Variants in CD5L observed in about 807,000 individuals in gnomAD.
CD5L encodes the protein CD5 antigen-like.
In CD5L, 39 loss-of-function variants were observed where a neutral mutation model predicts 40.8. That is an observed-to-expected ratio of 0.96 (90% CI 0.74 to 1.25). The LOEUF (loss-of-function observed/expected upper bound fraction) is 1.25. CD5L is among the 50% of genes most tolerant of loss of function. The pLI, the probability that CD5L is intolerant of heterozygous loss-of-function variation, is 0.00. For synonymous variants in CD5L, 192 were observed against 169.6 expected (o/e 1.13, Z -1.03); for missense variants, 433 against 435.9 (o/e 0.99, Z 0.06).
intron 5 of CD5L, 44 bp from the exon 6 acceptor site, chr1:157,832,012 A>C (rs771888225): frequency 7.0e-7 from 1 of 1,435,634 alleles, no homozygotes; most frequent in Non-Finnish European, 9.5e-7. Context: ...GGTATAGTCC[A>C]GGAAGGAATT....
intron 1 of CD5L, among the ~76,000 whole-genome samples, chr1:157,841,316 G>A (rs917501301): frequency 1.7e-4 from 26 of 152,228 alleles, no homozygotes; most frequent in Non-Finnish European, 3.8e-4. Flanking sequence ...AAAGGTGATT[G>A]TCTTGCAGTT....
At chr1:157,832,456 C>G (rs1219677335) in intron 5 of CD5L, among the ~76,000 whole-genome samples, 3 of 152,146 alleles carry the variant, frequency 2.0e-5, no homozygotes, top group Non-Finnish European at 4.4e-5. Context: ...ACCAAGTAGC[C>G]CCACATTGAT....
At chr1:157,836,494 TAA>T (rs2101939171) in intron 2 of CD5L, among the ~76,000 whole-genome samples, 1 of 152,288 alleles carries the variant, frequency 6.6e-6, no homozygotes, top group South Asian at 2.1e-4. Context: ...CAGAAGGCCC[TAA>T]AGAGATCATA....
At chr1:157,835,542 T>G (rs1656186721) in intron 3 of CD5L, among the ~76,000 whole-genome samples, 1 of 152,222 alleles carries the variant, frequency 6.6e-6, no homozygotes, top group Non-Finnish European at 1.5e-5. Flanking sequence ...CAGTATACTC[T>G]ATTCAACAAA....
chr1:157,841,034 A>T (rs1056184869), intron 1 of CD5L, among the ~76,000 whole-genome samples: 22 of 147,774 alleles, frequency 1.5e-4, no homozygotes, highest in Admixed American at 1.1e-3. Flanking sequence ...GTTATCTTAT[A>T]AAAAAAAATA....
chr1:157,828,482 A>C (rs982790992), downstream of CD5L, among the ~76,000 whole-genome samples: 2 of 152,146 alleles, frequency 1.3e-5, no homozygotes, highest in East Asian at 3.8e-4. Context: ...CACTCAGCCC[A>C]TACACAAGGT....
At position 157,833,269 on chromosome 1, in the gene CD5L, G is replaced by C; in HGVS notation, c.962C>G (p.Ser321Cys). 6.2e-7 allele frequency: 1 copy of C among 1,614,188 alleles called. No homozygotes were observed. The change falls in exon 5 of 6, where the codon TCC (serine) becomes TGC (cysteine). Residue 321 changes from serine to cysteine, a missense_variant. Coordinates refer to ENST00000368174, the MANE Select transcript of CD5L (RefSeq NM_005894.3). Reference protein sequence around the residue: ...DNVRCSGEEQSLEQCQHRFWG... With the variant: ...DNVRCSGEEQCLEQCQHRFWG... ...AAATCTGTGCTGGCACTGCTCCAGG[G>C]ACTGCTCCTCCCCTGAGCAACGAAC... is the stretch of plus-strand genomic sequence containing the variant.
Position 157,833,297 on chromosome 1 carries a change from T to C in CD5L, c.934A>G (p.Asn312Asp). The change falls in exon 5 of 6, where the codon AAT becomes GAT. Residue 312 changes from asparagine to aspartate, a missense_variant. Physicochemically the swap from Asn to Asp is conservative, Grantham distance 23. Coordinates refer to ENST00000368174, the MANE Select transcript of CD5L (RefSeq NM_005894.3). Reference sequence around the variant, plus strand: ...TGCTCCTCCCCTGAGCAACGAACATTATCCAGCCAGATGCGGCCAACCCCA... The same window carrying C: ...TGCTCCTCCCCTGAGCAACGAACATCATCCAGCCAGATGCGGCCAACCCCA... ...GPGVGRIWLD[N>D]VRCSGEEQSL... 6.2e-7 allele frequency: 1 copy of C among 1,614,094 alleles called. No homozygotes were observed. Among genetic ancestry groups the C allele is most frequent in the South Asian group, 1.1e-5 (1 of 91,076 alleles).
At chr1:157,828,370 C>T (rs892722893), downstream of CD5L, among the ~76,000 whole-genome samples, 3 of 152,184 alleles carry the variant, frequency 2.0e-5, no homozygotes, top group African/African-American at 7.2e-5. Context: ...CTTACTTCTA[C>T]TTCACTGTCT....
chr1:157,836,048 T>C lies in CD5L; in HGVS notation c.163A>G (p.Ile55Val). ...CGGCACAACACAGCCACGTCCTTAA[T>C]GTCCCAGCCGTCATCACACACGGTG... ...WGTVCDDGWD[I>V]KDVAVLCREL... Residue 55 changes from isoleucine to valine, a missense_variant, in exon 3 of 6, where the codon ATT becomes GTT. Coordinates refer to ENST00000368174, the MANE Select transcript of CD5L (RefSeq NM_005894.3). 1 of 1,614,170 alleles carries C rather than the reference T, an allele frequency of 6.2e-7. No individual in the cohort carries two copies. Among genetic ancestry groups the C allele is most frequent in the East Asian group, 2.2e-5 (1 of 44,880 alleles).
rs1571447811 is a variant in CD5L, at chr1:157,831,853, A to G, written c.*111T>C. The stretch of plus-strand genomic sequence containing the variant: ...GTTCAGACTCCTGAGGGGATGAGGG[A>G]GTAGTGGCTCAAGCCTGAGCCCCAG... On this transcript the variant is annotated 3_prime_UTR_variant, in exon 6 of 6. Coordinates refer to ENST00000368174, the MANE Select transcript of CD5L (RefSeq NM_005894.3). 8.9e-6 allele frequency: 13 copies of G among 1,456,702 alleles called. No homozygotes were observed. In the East Asian group the frequency reaches 3.0e-4, roughly 34 times the overall value. The allele number at this position is 1,456,702 out of a possible 1,614,324, so 90.2% of individuals were successfully genotyped here. A position where few individuals can be genotyped will look rare whatever the true frequency, so the allele number is the denominator to read the frequency against.
chr1:157,833,117 A>G, intron 5 of CD5L, 75 bp downstream of exon 5: 1 of 1,172,618 alleles, frequency 8.5e-7, no homozygotes, highest in Non-Finnish European at 1.2e-6. Flanking sequence ...TTTTCCCCAG[A>G]GTACACCCCC....
rs1261549748 is a variant in CD5L at position 157,835,918 on chromosome 1, C to T, written c.293G>A (p.Gly98Glu). 1 of 1,614,196 alleles carries T rather than the reference C, an allele frequency of 6.2e-7. No individual in the cohort carries two copies. The highest frequency in any genetic ancestry group is 8.5e-7 in the Non-Finnish European group (1 of 1,180,026). Residue 98 changes from glycine (G) to glutamate (E), a missense_variant, in exon 3 of 6, where the codon GGA becomes GAA. Coordinates refer to ENST00000368174, the MANE Select transcript of CD5L (RefSeq NM_005894.3). The part of the protein sequence containing the change: ...KVLIQSVSCT[G>E]TEDTLAQCEQ... Reference sequence around the variant, plus strand: ...ACACTGAGCCAATGTATCTTCTGTTCCTGTGCAACTGACTGATTGGATGAG... The same window carrying T: ...ACACTGAGCCAATGTATCTTCTGTTTCTGTGCAACTGACTGATTGGATGAG...
intron 3 of CD5L, among the ~76,000 whole-genome samples, chr1:157,835,356 T>G (rs1208684612): frequency 6.6e-6 from 1 of 152,246 alleles, no homozygotes; most frequent in Non-Finnish European, 1.5e-5. Context: ...TTTGTCTATG[T>G]ATCTTTCTAT....
intron 4 of CD5L, 120 bp from the exon 5 acceptor site, chr1:157,833,632 GT>G: frequency 3.9e-6 from 3 of 778,972 alleles, no homozygotes; most frequent in Non-Finnish European, 6.0e-6. Flanking sequence ...TTGAGACATC[GT>G]CTCACTCTGT....
chr1:157,836,859 A>G (rs1452387571), intron 2 of CD5L, among the ~76,000 whole-genome samples: 1 of 152,214 alleles, frequency 6.6e-6, no homozygotes, highest in African/African-American at 2.4e-5. Flanking sequence ...GTTTGGTCTA[A>G]TTCCAGGGAC....
chr1:157,839,940 A>G (rs1201003040), intron 1 of CD5L, among the ~76,000 whole-genome samples: 2 of 152,212 alleles, frequency 1.3e-5, no homozygotes, highest in Non-Finnish European at 2.9e-5. Context: ...TGTGGGCCAT[A>G]CAGTGTCTGT....
In CD5L at chr1:157,836,118, G is replaced by A; in HGVS notation, c.93C>T (p.His31=). 1.2e-6 allele frequency: 2 copies of A among 1,613,610 alleles called. No homozygotes were observed. The highest frequency in any genetic ancestry group is 2.2e-5 in the East Asian group (1 of 44,876). The change falls in exon 3 of 6, where the codon CAC becomes CAT. Residue 31 remains histidine (H), a synonymous_variant. Coordinates refer to ENST00000368174, the MANE Select transcript of CD5L (RefSeq NM_005894.3). The part of the protein sequence containing the change: ...PSGVRLVGGL[H]RCEGRVEVEQ... ...CCACCTCCACCCGCCCTTCACAGCG[G>A]TGGAGGCCCCCCACCAGCCGCACTC...
chr1:157,829,972 C>A (rs74650137), downstream of CD5L, among the ~76,000 whole-genome samples: 10 of 152,230 alleles, frequency 6.6e-5, no homozygotes, highest in African/African-American at 2.4e-4. Context: ...GGGCTTCCTC[C>A]GGTTCTCTGA....
Sources: gnomAD v4.1 joint callset for allele counts (sites outside exome capture counted in the v4.1 genomes callset) on GRCh38, gnomAD v4.1.1 for gene constraint, MANE v1.5 for transcripts, NCBI Gene and HGNC (gene_info 2026-07-23, HGNC 2026-07-21) for gene names.